The following ANK3 variants were observed in gnomAD, a reference collection of about 807,000 sequenced individuals.
The protein encoded by ANK3 is ankyrin-3.
ANK3 carries 57 observed loss-of-function variants against 370.9 expected under a neutral mutation model. The ratio of observed to expected loss-of-function variants is 0.15; its 90% CI spans 0.12 to 0.19. The LOEUF (loss-of-function observed/expected upper bound fraction) is 0.19. Among genes scored for constraint, ANK3 ranks in the 10% least tolerant of loss-of-function variants. The probability of loss-of-function intolerance (pLI) is 1.00; values close to 1 mark genes in which losing one functional copy is unlikely to be tolerated. For missense variants in ANK3, 4,439 were observed against 5,302.1 expected, an observed-to-expected ratio of 0.84 and a Z score of 5.06; for synonymous variants, 1,929 against 1,946.3, an observed-to-expected ratio of 0.99 and a Z score of 0.23.
intron 2 of ANK3, among the ~76,000 whole-genome samples, chr10:60,400,897 A>T (rs959868275): frequency 6.6e-6 from 1 of 152,092 alleles, no homozygotes; most frequent in Non-Finnish European, 1.5e-5. Flanking sequence ...CCAGTGTGTG[A>T]AGTGACTCTG....
intron 1 of ANK3, among the ~76,000 whole-genome samples, chr10:60,654,901 C>A (rs2078842387): frequency 6.6e-6 from 1 of 152,112 alleles, no homozygotes; most frequent in African/African-American, 2.4e-5. Context: ...ACATTTTGGT[C>A]AATGACAAAC....
At chr10:60,430,299 C>T (rs2063987286) in intron 2 of ANK3, among the ~76,000 whole-genome samples, 1 of 152,072 alleles carries the variant, frequency 6.6e-6, no homozygotes, top group Non-Finnish European at 1.5e-5. Context: ...CCAGAATTCA[C>T]TGGTCTGTAC....
At chr10:60,645,832 A>G (rs775587272) in intron 1 of ANK3, among the ~76,000 whole-genome samples, 1 of 152,208 alleles carries the variant, frequency 6.6e-6, no homozygotes, top group Non-Finnish European at 1.5e-5. Flanking sequence ...ATCTGTCCGA[A>G]AGATTTTGCT....
intron 2 of ANK3, among the ~76,000 whole-genome samples, chr10:60,550,168 TA>T (rs1204156851): frequency 6.6e-6 from 1 of 151,922 alleles, no homozygotes; most frequent in Non-Finnish European, 1.5e-5. Context: ...TAAAACATGA[TA>T]AAAATATGAC....
chr10:60,442,616 A>G (rs1200557312), intron 2 of ANK3, among the ~76,000 whole-genome samples: 6 of 152,228 alleles, frequency 3.9e-5, no homozygotes, highest in Non-Finnish European at 8.8e-5. Context: ...CAAAAGGCAG[A>G]CTGTACTTAA....
chr10:60,435,970 C>A (rs984498446), intron 2 of ANK3, among the ~76,000 whole-genome samples: 3 of 152,128 alleles, frequency 2.0e-5, no homozygotes, highest in South Asian at 2.1e-4. Context: ...GCCTGTAGTC[C>A]CAGCTTACTC....
At chr10:60,390,222 T>C (rs2062978304), upstream of ANK3, among the ~76,000 whole-genome samples, 1 of 152,208 alleles carries the variant, frequency 6.6e-6, no homozygotes, top group African/African-American at 2.4e-5. Flanking sequence ...GCATCCTTTA[T>C]GCTGAACTAT....
At chr10:60,322,382 CATGA>C (rs2048856823) in intron 1 of ANK3, among the ~76,000 whole-genome samples, 1 of 151,848 alleles carries the variant, frequency 6.6e-6, no homozygotes, top group Non-Finnish European at 1.5e-5. Flanking sequence ...GTGTTTAAAT[CATGA>C]ATGTCTTCAC....
At chr10:60,668,762 G>A (rs1300522373) in intron 1 of ANK3, among the ~76,000 whole-genome samples, 1 of 152,182 alleles carries the variant, frequency 6.6e-6, no homozygotes, top group African/African-American at 2.4e-5. Context: ...GGGAGGCTGA[G>A]GCGGGTGGAT....
chr10:60,715,900 A>AAT, intron 1 of ANK3, among the ~76,000 whole-genome samples: 1 of 454 alleles, frequency 2.2e-3, no homozygotes, highest in Non-Finnish European at 5.2e-3. Flanking sequence ...CCTTAACAAG[A>AAT]CTCTTCTTCA....
At chr10:60,715,645 A>AAGTTATTTCAGAT (rs1412758800) in intron 1 of ANK3, among the ~76,000 whole-genome samples, 1 of 152,174 alleles carries the variant, frequency 6.6e-6, no homozygotes, top group Non-Finnish European at 1.5e-5. Context: ...ACCAGTATAA[A>AAGTTATTTCAGAT]AGTTATTTCA....
chr10:60,625,908 A>T (rs1235706875), intron 1 of ANK3, among the ~76,000 whole-genome samples: 1 of 152,234 alleles, frequency 6.6e-6, no homozygotes, highest in Non-Finnish European at 1.5e-5. Context: ...ACATATTTTT[A>T]AAATGCTGAA....
At chr10:60,721,820 GC>G (rs1408151202) in intron 1 of ANK3, among the ~76,000 whole-genome samples, 1 of 152,152 alleles carries the variant, frequency 6.6e-6, no homozygotes, top group Admixed American at 6.5e-5. Flanking sequence ...TGGAGGTTCT[GC>G]AAAATAGCAT....
In ANK3 at chr10:60,634,761, C is replaced by T. The variant is rs149863940; in HGVS notation, c.58-19537G>A. On this transcript the variant is annotated intron_variant, in intron 1 of 43. Transcript: ENST00000373827. ...CACTCACCGAGAAGGTCCGCAGCTT[C>T]ACTCCTGAAGCCAGCGAGACCGCGA... 4.0e-3 allele frequency among the ~76,000 whole-genome samples: 614 copies of T among 152,226 alleles called. 6 individuals carry two copies. The highest frequency in any genetic ancestry group is 0.014 in the African/African-American group (577 of 41,532).
Position 60,139,081 on chromosome 10 carries a change from T to A in ANK3, c.2621A>T (p.Asp874Val). 1 of 1,613,526 alleles carries A rather than the reference T, an allele frequency of 6.2e-7. No individual in the cohort carries two copies. The highest frequency in any genetic ancestry group is 8.5e-7 in the Non-Finnish European group (1 of 1,179,738). The change falls in exon 24 of 44, where the codon GAT becomes GTT. Residue 874 changes from aspartate to valine, a missense_variant. Coordinates refer to ENST00000280772, the MANE Select transcript of ANK3 (RefSeq NM_020987.5). ...EYISDVEEGE[D>V]AMTGDTDKYL... ...TTTGTCTGTGTCCCCGGTCATTGCA[T>A]CTTCACCTGCAGATGTAGAGAGTAA...
intron 1 of ANK3, among the ~76,000 whole-genome samples, chr10:60,293,041 CCTCT>C (rs2132762189): frequency 6.6e-6 from 1 of 152,288 alleles, no homozygotes; most frequent in East Asian, 1.9e-4. Context: ...GTCACCCCCT[CCTCT>C]CTTTTTGCTT....
intron 26 of ANK3, among the ~76,000 whole-genome samples, chr10:60,110,466 T>C (rs965931372): frequency 3.3e-5 from 5 of 152,128 alleles, no homozygotes; most frequent in Non-Finnish European, 5.9e-5. Flanking sequence ...TTTTGGGAGA[T>C]TGGGACCACT....
intron 2 of ANK3, among the ~76,000 whole-genome samples, chr10:60,578,908 C>T (rs993808119): frequency 1.3e-5 from 2 of 151,896 alleles, no homozygotes; most frequent in African/African-American, 4.8e-5. Flanking sequence ...TGCCTAAGAC[C>T]AACATGATAT....
At chr10:60,382,794 AATCT>A (rs1252229908) in intron 1 of ANK3, among the ~76,000 whole-genome samples, 4 of 46,780 alleles carry the variant, frequency 8.6e-5, no homozygotes, top group African/African-American at 2.2e-4. Flanking sequence ...CCTATACCTA[AATCT>A]ATATATATAT....
Sources: gnomAD v4.1 joint callset for allele counts (sites outside exome capture counted in the v4.1 genomes callset) on GRCh38, gnomAD v4.1.1 for gene constraint, MANE v1.5 for transcripts, NCBI Gene and HGNC (gene_info 2026-07-23, HGNC 2026-07-21) for gene names.